The following SIPA1L3 variants were observed in gnomAD, a reference collection of about 807,000 sequenced individuals.
The protein encoded by SIPA1L3 is signal induced proliferation associated 1 like 3, also known as signal-induced proliferation-associated 1-like protein 3.
In SIPA1L3, 59 loss-of-function variants were observed where a neutral mutation model predicts 150.1. That is an observed-to-expected ratio of 0.39 (90% confidence interval 0.32 to 0.49). The LOEUF (loss-of-function observed/expected upper bound fraction) is 0.49. SIPA1L3 is among the 20% of genes least tolerant of loss of function. SIPA1L3 has a pLI of 0.86. For synonymous variants in SIPA1L3, 1,070 were observed against 1,077.6 expected, an observed-to-expected ratio of 0.99 and a Z score of 0.14; for missense variants, 2,211 against 2,489.5, an observed-to-expected ratio of 0.89 and a Z score of 2.38.
intron 9 of SIPA1L3, among the ~76,000 whole-genome samples, chr19:38,125,945 G>A (rs775534481): frequency 5.9e-5 from 9 of 152,138 alleles, no homozygotes; most frequent in Non-Finnish European, 1.3e-4. Flanking sequence ...AGGCCGAGGC[G>A]GGTGGATCAC....
intron 1 of SIPA1L3, among the ~76,000 whole-genome samples, chr19:38,001,475 G>T (rs1287827261): frequency 6.6e-6 from 1 of 152,176 alleles, no homozygotes; most frequent in African/African-American, 2.4e-5. Flanking sequence ...GCCCAGGCTG[G>T]AGTGCAGTGG....
chr19:38,072,334 C>T (rs1020670651), intron 2 of SIPA1L3, among the ~76,000 whole-genome samples: 7 of 152,190 alleles, frequency 4.6e-5, no homozygotes, highest in African/African-American at 1.4e-4. Flanking sequence ...GGATTCTATT[C>T]ATGGTAGTTG....
Position 38,189,559 on chromosome 19 carries a change from A to G in SIPA1L3, c.4431-2586A>G, listed in dbSNP as rs974505172. Among the ~76,000 whole-genome samples, 31 of 152,244 alleles carry G rather than the reference A, an allele frequency of 2.0e-4. No homozygotes were observed. The Middle Eastern group carries it at 0.01, about 50-fold the overall frequency. ...GATGGGCGGACCACCTGAGGTCGGG[A>G]GTTCAAGACCAGCCTGGCCAACGTG... On this transcript the variant is annotated intron_variant, in intron 16 of 21. Transcript: ENST00000222345.
chr19:38,068,309 G>A (rs1031359191), intron 2 of SIPA1L3, among the ~76,000 whole-genome samples: 2 of 152,152 alleles, frequency 1.3e-5, no homozygotes, highest in African/African-American at 2.4e-5. Context: ...GATTACAGGC[G>A]TGAGCCACCA....
intron 2 of SIPA1L3, among the ~76,000 whole-genome samples, chr19:38,056,997 G>A (rs1035301016): frequency 1.3e-5 from 2 of 152,052 alleles, no homozygotes; most frequent in Admixed American, 6.6e-5. Flanking sequence ...GGGACCGGGC[G>A]CGGTGGCTCA....
At chr19:38,162,910 C>G (rs1384792891) in intron 14 of SIPA1L3, among the ~76,000 whole-genome samples, 1 of 152,180 alleles carries the variant, frequency 6.6e-6, no homozygotes. Context: ...CGCTTCCATT[C>G]CATCACGTGG....
chr19:37,950,602 G>A (rs189942730), intron 1 of SIPA1L3, among the ~76,000 whole-genome samples: 5 of 152,324 alleles, frequency 3.3e-5, no homozygotes, highest in African/African-American at 4.8e-5. Context: ...ACACTTGAAC[G>A]CGAGCTGATG....
At chr19:37,987,767 C>T (rs994376662) in intron 1 of SIPA1L3, among the ~76,000 whole-genome samples, 1 of 152,228 alleles carries the variant, frequency 6.6e-6, no homozygotes, top group Non-Finnish European at 1.5e-5. Context: ...GATACAAGCT[C>T]TTGGTGCATC....
chr19:38,193,192 A>G (rs1274193457), intron 17 of SIPA1L3, among the ~76,000 whole-genome samples: 2 of 151,662 alleles, frequency 1.3e-5, no homozygotes, highest in East Asian at 3.9e-4. Context: ...AAAAAATGTA[A>G]AAATTAGCCA....
chr19:37,927,152 T>TTG (rs1189456595), intron 1 of SIPA1L3, among the ~76,000 whole-genome samples: 2 of 149,620 alleles, frequency 1.3e-5, no homozygotes, highest in African/African-American at 4.9e-5. Context: ...TTCCTTTTTT[T>TTG]TTTTTTTTTG....
At chr19:38,163,577 G>A (rs1244005380) in intron 14 of SIPA1L3, among the ~76,000 whole-genome samples, 1 of 152,026 alleles carries the variant, frequency 6.6e-6, no homozygotes. Flanking sequence ...GGGCCTTTGA[G>A]GGGGTGACCT....
rs145125375 is a variant in SIPA1L3, at chr19:38,127,035, A to C, written c.2869-3463A>C. Among the ~76,000 whole-genome samples the C allele has an allele frequency of 9.3e-3, 1,423 of 152,232 alleles. 26 individuals carry two copies. Among genetic ancestry groups the C allele is most frequent in the African/African-American group, 0.033 (1,366 of 41,548 alleles). ...TGGAGAAACCCCGTCTCTACTAAAA[A>C]TACAAAATTAGCTGGGTGTGGTGGC... On this transcript the variant is annotated intron_variant, in intron 9 of 21. Transcript: ENST00000222345.
At chr19:38,123,793 C>T (rs189513274) in intron 9 of SIPA1L3, among the ~76,000 whole-genome samples, 7 of 151,558 alleles carry the variant, frequency 4.6e-5, no homozygotes, top group Non-Finnish European at 1.0e-4. Context: ...ACCTCCCAGA[C>T]GGGGTGGCGG....
chr19:38,131,060 A>G (rs1396050090), intron 10 of SIPA1L3, among the ~76,000 whole-genome samples: 1 of 152,188 alleles, frequency 6.6e-6, no homozygotes, highest in Non-Finnish European at 1.5e-5. Context: ...GAAGCACAGG[A>G]TGTTAATAGT....
At chr19:38,136,292 T>C (rs1446807701) in intron 10 of SIPA1L3, among the ~76,000 whole-genome samples, 1 of 150,686 alleles carries the variant, frequency 6.6e-6, no homozygotes, top group Non-Finnish European at 1.5e-5. Flanking sequence ...ATGCGTGTTA[T>C]ATCATTTTAA....
intron 2 of SIPA1L3, among the ~76,000 whole-genome samples, chr19:38,078,262 C>T (rs975195234): frequency 7.9e-5 from 12 of 152,134 alleles, no homozygotes; most frequent in African/African-American, 2.7e-4. Flanking sequence ...AAGAGGGGCT[C>T]CCCCTTGCTC....
At chr19:38,085,769 C>T (rs1303584816) in intron 3 of SIPA1L3, among the ~76,000 whole-genome samples, 1 of 152,154 alleles carries the variant, frequency 6.6e-6, no homozygotes, top group African/African-American at 2.4e-5. Flanking sequence ...CCGAGGCGGG[C>T]AGATCACGTG....
intron 1 of SIPA1L3, among the ~76,000 whole-genome samples, chr19:37,961,375 T>A (rs966105908): frequency 1.3e-5 from 2 of 151,990 alleles, no homozygotes; most frequent in African/African-American, 4.8e-5. Flanking sequence ...ATTTGACAGT[T>A]TTTTTTTCTT....
chr19:37,947,789 C>T (rs1347788791), intron 1 of SIPA1L3, among the ~76,000 whole-genome samples: 1 of 152,180 alleles, frequency 6.6e-6, no homozygotes, highest in Non-Finnish European at 1.5e-5. Flanking sequence ...TAATAACCAG[C>T]CCCCTTATTT....
Sources: allele counts gnomAD v4.1 joint callset (sites outside exome capture counted in the v4.1 genomes callset), GRCh38; gene constraint gnomAD v4.1.1; transcripts MANE v1.5; gene names NCBI Gene and HGNC (gene_info 2026-07-23, HGNC 2026-07-21).